Variants in ICE2 observed in about 807,000 individuals in gnomAD.
ICE2 encodes interactor of little elongation complex ELL subunit 2, also known as little elongation complex subunit 2.
Under a neutral mutation model 105.4 loss-of-function variants are expected in ICE2, and 87 were observed. The observed-to-expected ratio is 0.83, with a 90% CI of 0.69 to 0.99. ICE2 has a LOEUF of 0.99. Ranked by LOEUF, ICE2 falls within the 50% of genes least tolerant of loss-of-function variation. ICE2 has a pLI of 0.00. For synonymous variants in ICE2, 399 were observed against 392.0 expected (o/e 1.02, Z -0.21); for missense variants, 1,323 against 1,146.7 (o/e 1.15, Z -2.22).
intron 15 of ICE2, among the ~76,000 whole-genome samples, chr15:60,427,586 G>A (rs1566966477): frequency 6.6e-6 from 1 of 152,088 alleles, no homozygotes; most frequent in Non-Finnish European, 1.5e-5. Context: ...CATGATGCCA[G>A]GCTAATTTTT....
chr15:60,442,121 C>A, intron 12 of ICE2: 1 of 229,616 alleles, frequency 4.4e-6, no homozygotes, highest in Non-Finnish European at 8.3e-6. Context: ...TAATGAGACC[C>A]CATCTCAAGA....
chr15:60,451,563 TATA>T, intron 9 of ICE2: 1 of 982,786 alleles, frequency 1.0e-6, no homozygotes. Flanking sequence ...CATTAAGAAG[TATA>T]ATAATTTGAG....
chr15:60,429,480 T>C (rs1415987368), intron 14 of ICE2, among the ~76,000 whole-genome samples: 1 of 152,196 alleles, frequency 6.6e-6, no homozygotes, highest in Admixed American at 6.5e-5. Context: ...TCCACATTTT[T>C]CCTTTCTCCT....
rs200403344 is a variant in ICE2 at position 60,449,034 on chromosome 15, C to A, written c.1933G>T (p.Val645Phe). 2.0e-4 allele frequency: 317 copies of A among 1,613,452 alleles called. 2 individuals carry two copies. Among genetic ancestry groups the A allele is most frequent in the Middle Eastern group, 8.5e-4 (5 of 5,886 alleles). The change falls in exon 10 of 16, where the codon GTT becomes TTT. Residue 645 changes from valine to phenylalanine, a missense_variant. Val to Phe is a conservative substitution (Grantham distance 50). Coordinates refer to ENST00000261520, the MANE Select transcript of ICE2 (RefSeq NM_024611.6). ...TCCTGCATTTTTAAAATCTCTCCAACTGGATCAAATTTTTTATATACTCGT... is the reference window on the plus strand; with the variant it reads ...TCCTGCATTTTTAAAATCTCTCCAAATGGATCAAATTTTTTATATACTCGT... The part of the protein sequence containing the change: ...IKRVYKKFDP[V>F]GEILKMQDEL...
chr15:60,446,801 T>C (rs1215473451), intron 11 of ICE2, among the ~76,000 whole-genome samples: 1 of 152,120 alleles, frequency 6.6e-6, no homozygotes, highest in Non-Finnish European at 1.5e-5. Flanking sequence ...AACACAGACA[T>C]TCAAAGTGGT....
chr15:60,432,783 T>C (rs937585177), intron 13 of ICE2, among the ~76,000 whole-genome samples: 99 of 151,722 alleles, frequency 6.5e-4, no homozygotes, highest in African/African-American at 2.2e-3. Context: ...TCCCAGCTAC[T>C]GGGGAGGCTG....
intron 9 of ICE2, among the ~76,000 whole-genome samples, chr15:60,450,471 A>G (rs2063939384): frequency 6.6e-6 from 1 of 152,224 alleles, no homozygotes; most frequent in Non-Finnish European, 1.5e-5. Context: ...TTGGTAATGG[A>G]AAAACTACAC....
In ICE2 at chr15:60,423,014, T is replaced by A. The variant is rs575244850; in HGVS notation, c.*620A>T. 1.3e-5 allele frequency: 2 copies of A among 152,652 alleles called. No homozygotes were observed. Among genetic ancestry groups the A allele is most frequent in the South Asian group, 4.1e-4 (2 of 4,830 alleles). 9.5% of individuals were successfully genotyped at this position (152,652 alleles called of 1,614,324 possible). A position where few individuals can be genotyped will look rare whatever the true frequency, so the allele number is the denominator to read the frequency against. ...TCAAACATGTTATACCACCAAATTT[T>A]TTCTTTTATTAAACAAACTGATGGT... is the stretch of plus-strand genomic sequence containing the variant. On this transcript the variant is annotated 3_prime_UTR_variant, in exon 16 of 16. Coordinates refer to ENST00000261520, the MANE Select transcript of ICE2 (RefSeq NM_024611.6).
intron 3 of ICE2, among the ~76,000 whole-genome samples, 171 bp downstream of exon 3, chr15:60,475,892 T>C (rs1423727759): frequency 1.3e-5 from 2 of 152,126 alleles, no homozygotes; most frequent in Non-Finnish European, 2.9e-5. Context: ...TTGCAGTTCA[T>C]GTGTGGAGAA....
Position 60,447,982 on chromosome 15 carries a change from C to T in ICE2, c.2283G>A (p.Lys761=), listed in dbSNP as rs1334600087. 6.2e-7 allele frequency: 1 copy of T among 1,607,938 alleles called. No individual in the cohort carries two copies. Among genetic ancestry groups the T allele is most frequent in the East Asian group, 2.2e-5 (1 of 44,826 alleles). Residue 761 remains lysine (K), a synonymous_variant, in exon 11 of 16, where the codon AAG becomes AAA. Transcript: ENST00000261520. ...AATAACAACTTACTCTTCTGATTTT[C>T]TTCCGTTTTTTAGAACGTGGTCTTG... ...IETRPRSKKR[K]KIRRQFPVYV...
Position 60,448,516 on chromosome 15 carries a change from CA to C in ICE2, c.2119+331del, listed in dbSNP as rs544799453. Among the ~76,000 whole-genome samples, 266 of 152,276 alleles carry C rather than the reference CA, an allele frequency of 1.7e-3. 3 individuals are homozygous for C. The highest frequency in any genetic ancestry group is 6.0e-3 in the African/African-American group (250 of 41,564). On this transcript the variant is annotated intron_variant, in intron 10 of 15. Transcript: ENST00000261520. The stretch of plus-strand genomic sequence containing the variant: ...AAAGTATAAAACTGCAGTCCAACAC[CA>C]AGTATAAATAAATTTTAAATCAATC...
chr15:60,440,719 A>G (rs2141030386), intron 12 of ICE2: 1 of 152,290 alleles, frequency 6.6e-6, no homozygotes, highest in South Asian at 2.1e-4. Flanking sequence ...TCCTTAAATT[A>G]AAAGAGTATT....
At chr15:60,447,680 C>T (rs1182108865) in intron 11 of ICE2, 3 of 208,474 alleles carry the variant, frequency 1.4e-5, no homozygotes, top group Admixed American at 5.7e-5. Flanking sequence ...GATACCATGC[C>T]GGAGCTTAAA....
chr15:60,450,148 A>C (rs560454641), intron 9 of ICE2, among the ~76,000 whole-genome samples: 2 of 152,338 alleles, frequency 1.3e-5, no homozygotes, highest in South Asian at 4.1e-4. Context: ...AGACAAGACC[A>C]CAAAGAAGAA....
Position 60,421,941 on chromosome 15 carries a change from C to A in ICE2, c.*1693G>T, listed in dbSNP as rs1309335077. 2.0e-5 allele frequency: 3 copies of A among 151,952 alleles called. No homozygotes were observed. Among genetic ancestry groups the A allele is most frequent in the African/African-American group, 7.3e-5 (3 of 41,358 alleles). 9.4% of individuals were successfully genotyped at this position (151,952 alleles called of 1,614,324 possible). ...TGAATATAAGTATTTTCAACTGTTA[C>A]AATACTTGAGGAGATTTTTCGGTCT... is the stretch of plus-strand genomic sequence containing the variant. On this transcript the variant is annotated 3_prime_UTR_variant, in exon 16 of 16. Coordinates refer to ENST00000261520, the MANE Select transcript of ICE2 (RefSeq NM_024611.6).
chr15:60,468,271 C>T lies in ICE2; in HGVS notation c.198G>A (p.Pro66=), dbSNP rs779886008. The change falls in exon 4 of 16, where the codon CCG becomes CCA. Residue 66 remains proline, a synonymous_variant. Coordinates refer to ENST00000261520, the MANE Select transcript of ICE2 (RefSeq NM_024611.6). ...TTGCTTGAGTTGCTGAACTAACTGCCGGCTCATTTTCTACAGAACTTGCTG... is the reference window on the plus strand; with the variant it reads ...TTGCTTGAGTTGCTGAACTAACTGCTGGCTCATTTTCTACAGAACTTGCTG... ...NASASSVENE[P]AVSSATQAKE... is the part of the protein sequence containing the mutation. 23 of 1,612,842 alleles carry T rather than the reference C, an allele frequency of 1.4e-5. 1 individual carries two copies. Among genetic ancestry groups the T allele is most frequent in the South Asian group, 5.5e-5 (5 of 91,028 alleles).
chr15:60,447,201 A>T (rs1318790586), intron 11 of ICE2, among the ~76,000 whole-genome samples: 3 of 152,196 alleles, frequency 2.0e-5, no homozygotes, highest in Non-Finnish European at 2.9e-5. Flanking sequence ...AAGACCTTAC[A>T]TATGTGTGAA....
At chr15:60,462,638 T>C (rs1005820041) in intron 5 of ICE2, among the ~76,000 whole-genome samples, 4 of 152,264 alleles carry the variant, frequency 2.6e-5, no homozygotes, top group African/African-American at 9.6e-5. Flanking sequence ...AAAGAAATCT[T>C]ACATATCAAT....
chr15:60,432,093 G>A (rs1449051270), intron 13 of ICE2, 109 bp from the exon 14 acceptor site: 11 of 517,734 alleles, frequency 2.1e-5, no homozygotes, highest in South Asian at 1.2e-4. Flanking sequence ...CAAAAACAGC[G>A]GATGAGATAA....
Sources: gnomAD v4.1 joint callset for allele counts (sites outside exome capture counted in the v4.1 genomes callset) on GRCh38, gnomAD v4.1.1 for gene constraint, MANE v1.5 for transcripts, NCBI Gene and HGNC (gene_info 2026-07-23, HGNC 2026-07-21) for gene names.